SUN1: variants seen among roughly 807,000 people sequenced by gnomAD.
The protein encoded by SUN1 is SUN domain-containing protein 1.
A neutral mutation model predicts 103.2 loss-of-function variants in SUN1; 61 were observed. The ratio of observed to expected loss-of-function variants is 0.59; its 90% CI spans 0.48 to 0.73. SUN1 has a LOEUF of 0.73. SUN1 is among the 30% of genes least tolerant of loss of function. The pLI, the probability that SUN1 is intolerant of heterozygous loss-of-function variation, is 0.00. For missense variants in SUN1, 1,052 were observed against 1,034.6 expected (o/e 1.02, Z -0.23); for synonymous variants, 490 against 425.7 (o/e 1.15, Z -1.86).
chr7:871,598 C>T (rs60128487), intron 17 of SUN1, among the ~76,000 whole-genome samples: 2,639 of 152,272 alleles, frequency 0.017, 74 homozygotes, highest in African/African-American at 0.059. Context: ...CCATGTTGGC[C>T]AGGATGGTCT....
intron 2 of SUN1, among the ~76,000 whole-genome samples, chr7:840,938 G>A (rs965281949): frequency 2.0e-5 from 3 of 151,670 alleles, no homozygotes; most frequent in Non-Finnish European, 4.4e-5. Context: ...ACTGCGCCTG[G>A]CCCTTATATT....
chr7:817,435 A>C (rs1781790559), intron 1 of SUN1: 4 of 1,535,890 alleles, frequency 2.6e-6, no homozygotes, highest in African/African-American at 1.4e-5. Flanking sequence ...GCGGCGGGGA[A>C]CACCTTGCCA....
At chr7:855,858 G>A (rs1471986867) in intron 11 of SUN1, among the ~76,000 whole-genome samples, 15 of 152,148 alleles carry the variant, frequency 9.9e-5, no homozygotes, top group African/African-American at 3.4e-4. Flanking sequence ...TCCGCGGGGC[G>A]CCTCCTCCTG....
At chr7:831,471 C>T (rs1238244946), upstream of SUN1, among the ~76,000 whole-genome samples, 4 of 152,038 alleles carry the variant, frequency 2.6e-5, no homozygotes, top group Non-Finnish European at 5.9e-5. Context: ...GGGGTTTCAC[C>T]GTGTTAGCGA....
chr7:845,293 G>A (rs1039016143), intron 5 of SUN1, among the ~76,000 whole-genome samples: 2 of 152,194 alleles, frequency 1.3e-5, no homozygotes, highest in South Asian at 4.2e-4. Context: ...GCCTCCCCTC[G>A]GACGTCGGTG....
chr7:851,612 C>T (rs1278182454), intron 6 of SUN1, 130 bp downstream of exon 6: 1 of 829,142 alleles, frequency 1.2e-6, no homozygotes, highest in Admixed American at 2.4e-5. Flanking sequence ...CGTAACGTGT[C>T]TCGTTCTTTA....
rs1050589726 is a variant in SUN1, at chr7:873,971, C to T, written c.*640C>T. The T allele has an allele frequency of 6.6e-6, 1 of 152,310 alleles. No individual in the cohort carries two copies. The highest frequency in any genetic ancestry group is 2.4e-5 in the African/African-American group (1 of 41,448). 9.4% of individuals were successfully genotyped at this position (152,310 alleles called of 1,614,324 possible). Reference sequence around the variant, plus strand: ...CATGGAGGAATATGGGAGCGTTTCGCTCTCCTTGTAGGCTGAAGTCAGTCT... The same window carrying T: ...CATGGAGGAATATGGGAGCGTTTCGTTCTCCTTGTAGGCTGAAGTCAGTCT... On this transcript the variant is annotated 3_prime_UTR_variant, in exon 19 of 19. Coordinates refer to ENST00000401592, the MANE Select transcript of SUN1 (RefSeq NM_001130965.3).
intron 1 of SUN1, chr7:816,775 C>T (rs1170341586): frequency 2.0e-5 from 3 of 147,618 alleles, no homozygotes; most frequent in African/African-American, 7.3e-5. Context: ...GGGGTCGCGG[C>T]CTGGGCGCCC....
intron 16 of SUN1, among the ~76,000 whole-genome samples, chr7:867,465 C>G (rs1837933578): frequency 6.6e-6 from 1 of 152,246 alleles, no homozygotes; most frequent in Non-Finnish European, 1.5e-5. Flanking sequence ...GATCCTGACC[C>G]TCCCAGAGGA....
chr7:820,457 C>G (rs1361046288), intron 1 of SUN1, among the ~76,000 whole-genome samples: 1 of 152,128 alleles, frequency 6.6e-6, no homozygotes, highest in Non-Finnish European at 1.5e-5. Context: ...CTTGTTAGTT[C>G]TAACAGCAGT....
At chr7:820,167 C>T (rs924142396) in intron 1 of SUN1, among the ~76,000 whole-genome samples, 1 of 152,176 alleles carries the variant, frequency 6.6e-6, no homozygotes, top group Non-Finnish European at 1.5e-5. Flanking sequence ...TGTGGGGGTA[C>T]TGCTATCCTA....
chr7:855,682 GGA>G (rs779196470), intron 11 of SUN1, among the ~76,000 whole-genome samples: 6 of 152,230 alleles, frequency 3.9e-5, no homozygotes, highest in Non-Finnish European at 7.3e-5. Flanking sequence ...TACCTGGGAG[GGA>G]GAGGTGGGCT....
chr7:821,201 G>T (rs1255776244), intron 1 of SUN1, among the ~76,000 whole-genome samples: 1 of 103,670 alleles, frequency 9.6e-6, no homozygotes, highest in African/African-American at 3.8e-5. Flanking sequence ...ACAGAGTCTT[G>T]CTCTGTCGCC....
At chr7:841,219 C>T (rs974916154) in intron 2 of SUN1, among the ~76,000 whole-genome samples, 33 of 150,124 alleles carry the variant, frequency 2.2e-4, no homozygotes, top group African/African-American at 5.9e-4. Flanking sequence ...AGGTGTGAGC[C>T]GCCGTACCTG....
At chr7:828,567 C>T (rs979897395), upstream of SUN1, among the ~76,000 whole-genome samples, 2 of 152,186 alleles carry the variant, frequency 1.3e-5, no homozygotes, top group Non-Finnish European at 2.9e-5. Context: ...CCACCATGCC[C>T]GGCTGGATGT....
chr7:863,886 A>G (rs1834195951), intron 15 of SUN1, among the ~76,000 whole-genome samples: 1 of 152,216 alleles, frequency 6.6e-6, no homozygotes, highest in Non-Finnish European at 1.5e-5. Context: ...GTGTGTCCTA[A>G]AGCAGTTGTA....
chr7:827,178 C>T (rs1310256675), intron 1 of SUN1, among the ~76,000 whole-genome samples: 13 of 152,074 alleles, frequency 8.5e-5, no homozygotes, highest in Admixed American at 7.2e-4. Flanking sequence ...CGTGCCACCA[C>T]GCCCGGCTAA....
chr7:818,708 A>T (rs1783156418), intron 1 of SUN1, among the ~76,000 whole-genome samples: 1 of 152,158 alleles, frequency 6.6e-6, no homozygotes, highest in Non-Finnish European at 1.5e-5. Flanking sequence ...TTAGTTTCCA[A>T]AAAGGATGAC....
At chr7:840,190 G>C (rs1477700303) in intron 2 of SUN1, among the ~76,000 whole-genome samples, 2 of 152,216 alleles carry the variant, frequency 1.3e-5, no homozygotes, top group African/African-American at 4.8e-5. Context: ...CCAGCCGGTG[G>C]CTTCCACAGG....
Sources: gnomAD v4.1 joint callset for allele counts (sites outside exome capture counted in the v4.1 genomes callset) on GRCh38, gnomAD v4.1.1 for gene constraint, MANE v1.5 for transcripts, NCBI Gene and HGNC (gene_info 2026-07-23, HGNC 2026-07-21) for gene names.